The following FARSB variants were observed in gnomAD, a reference collection of about 807,000 sequenced individuals.
FARSB encodes phenylalanine--tRNA ligase beta subunit.
FARSB carries 40 observed loss-of-function variants against 69.6 expected under a neutral mutation model. That is an observed-to-expected ratio of 0.57 (90% CI 0.45 to 0.75). FARSB has a LOEUF of 0.75. Ranked by LOEUF, FARSB falls within the 30% of genes least tolerant of loss-of-function variation. FARSB has a pLI of 0.00. For synonymous variants in FARSB, 235 were observed against 247.2 expected, an observed-to-expected ratio of 0.95 and a Z score of 0.46; for missense variants, 632 against 722.9, an observed-to-expected ratio of 0.87 and a Z score of 1.44.
At chr2:222,621,498 C>T (rs1054561851) in intron 13 of FARSB, among the ~76,000 whole-genome samples, 4 of 152,212 alleles carry the variant, frequency 2.6e-5, no homozygotes, top group Non-Finnish European at 4.4e-5. Flanking sequence ...GCTGGGATTA[C>T]AGGCATGAGC....
At chr2:222,645,082 C>A (rs1188655029) in intron 2 of FARSB, among the ~76,000 whole-genome samples, 1 of 151,220 alleles carries the variant, frequency 6.6e-6, no homozygotes, top group Non-Finnish European at 1.5e-5. Context: ...GTCAGTGCTA[C>A]CTGACAATAA....
rs139430171 is a variant in FARSB, at chr2:222,625,890, T to C, written c.901-1115A>G. On this transcript the variant is annotated intron_variant, in intron 10 of 16. Transcript: ENST00000281828. The stretch of plus-strand genomic sequence containing the variant: ...GTGCTGCTATATGCCCAGTGCTTAT[T>C]ATCTGATTATCAGATAATAAGCGTT... Among the ~76,000 whole-genome samples the C allele has an allele frequency of 1.0e-2, 1,522 of 152,306 alleles. 20 individuals are homozygous for C. The highest frequency in any genetic ancestry group is 0.035 in the African/African-American group (1,459 of 41,554).
intron 5 of FARSB, among the ~76,000 whole-genome samples, chr2:222,635,791 A>G (rs981659116): frequency 3.3e-5 from 5 of 152,232 alleles, no homozygotes; most frequent in Non-Finnish European, 7.4e-5. Context: ...TTCAAAGAAA[A>G]TACAGAGGCC....
At chr2:222,578,897 G>C (rs1223047455) in intron 16 of FARSB, among the ~76,000 whole-genome samples, 3 of 152,162 alleles carry the variant, frequency 2.0e-5, no homozygotes. Flanking sequence ...CAAGAGAATT[G>C]CTTGAACTCG....
At chr2:222,588,771 G>A (rs1180529890) in intron 16 of FARSB, among the ~76,000 whole-genome samples, 1 of 152,058 alleles carries the variant, frequency 6.6e-6, no homozygotes, top group South Asian at 2.1e-4. Context: ...TTGCTACAAA[G>A]AAAATAAAAT....
At chr2:222,652,515 T>C (rs1239205384) in intron 1 of FARSB, among the ~76,000 whole-genome samples, 1 of 152,226 alleles carries the variant, frequency 6.6e-6, no homozygotes, top group Non-Finnish European at 1.5e-5. Context: ...CTCTCTTACT[T>C]ACCTACTCTC....
intron 15 of FARSB, among the ~76,000 whole-genome samples, chr2:222,613,401 C>T (rs533954632): frequency 2.5e-4 from 38 of 152,142 alleles, no homozygotes; most frequent in African/African-American, 8.9e-4. Flanking sequence ...AAAAATTAGC[C>T]GGGTGTGGTG....
At chr2:222,627,111 C>T (rs1474697593) in intron 10 of FARSB, among the ~76,000 whole-genome samples, 3 of 152,122 alleles carry the variant, frequency 2.0e-5, no homozygotes, top group Non-Finnish European at 4.4e-5. Context: ...AAGCTATGTC[C>T]AGCTAATCCC....
intron 15 of FARSB, 86 bp from the exon 16 acceptor site, chr2:222,600,169 C>G: frequency 8.6e-7 from 1 of 1,159,556 alleles, no homozygotes; most frequent in East Asian, 2.7e-5. Flanking sequence ...TAGAAAAAGT[C>G]AACAAAAAAG....
intron 16 of FARSB, among the ~76,000 whole-genome samples, chr2:222,585,907 C>T (rs998097295): frequency 2.0e-5 from 3 of 152,220 alleles, no homozygotes; most frequent in South Asian, 4.2e-4. Flanking sequence ...CTGAAAGTGA[C>T]GGGGAGAATG....
chr2:222,583,685 C>G (rs1690030366), intron 16 of FARSB, among the ~76,000 whole-genome samples: 2 of 151,966 alleles, frequency 1.3e-5, no homozygotes, highest in South Asian at 4.2e-4. Flanking sequence ...TGTCCCTACC[C>G]AAATCTCATC....
chr2:222,632,240 G>A (rs1691450366), intron 7 of FARSB, among the ~76,000 whole-genome samples: 1 of 152,188 alleles, frequency 6.6e-6, no homozygotes, highest in Non-Finnish European at 1.5e-5. Context: ...TAATTAACAG[G>A]CCTTTACTGA....
chr2:222,648,680 C>T, intron 2 of FARSB, 60 bp downstream of exon 2: 1 of 1,003,914 alleles, frequency 1.0e-6, no homozygotes, highest in Non-Finnish European at 1.6e-6. Context: ...TACAGTATAA[C>T]CCTGAAAAAT....
At chr2:222,597,240 A>G (rs932285267) in intron 16 of FARSB, among the ~76,000 whole-genome samples, 1 of 152,224 alleles carries the variant, frequency 6.6e-6, no homozygotes, top group Non-Finnish European at 1.5e-5. Context: ...AATCTTGGAC[A>G]TTTCATACAT....
chr2:222,611,043 G>A (rs1460233897), intron 15 of FARSB, among the ~76,000 whole-genome samples: 2 of 152,108 alleles, frequency 1.3e-5, no homozygotes, highest in Non-Finnish European at 2.9e-5. Flanking sequence ...AGCTCATTTT[G>A]TTATGAAACA....
chr2:222,607,591 G>A (rs552092744), intron 15 of FARSB, among the ~76,000 whole-genome samples: 2 of 151,562 alleles, frequency 1.3e-5, no homozygotes, highest in East Asian at 3.9e-4. Flanking sequence ...GCTTGTATGA[G>A]CACAGAAAAG....
At chr2:222,608,549 G>C in intron 15 of FARSB, among the ~76,000 whole-genome samples, 1 of 152,092 alleles carries the variant, frequency 6.6e-6, no homozygotes, top group Non-Finnish European at 1.5e-5. Context: ...TGATGGCCTT[G>C]GTGGTCAAGG....
Position 222,646,079 on chromosome 2 carries a change from A to G in FARSB, c.114+2661T>C, listed in dbSNP as rs534532484. ...CATTTCACAGTCTAAAAAAATGCCAATCTTACTAGGTGTTACTTTTGGCAG... is the reference window on the plus strand; with the variant it reads ...CATTTCACAGTCTAAAAAAATGCCAGTCTTACTAGGTGTTACTTTTGGCAG... On this transcript the variant is annotated intron_variant, in intron 2 of 16. Coordinates refer to ENST00000281828, the MANE Select transcript of FARSB (RefSeq NM_005687.5). Among the ~76,000 whole-genome samples, 22 of 150,116 alleles carry G rather than the reference A, an allele frequency of 1.5e-4. 1 individual carries two copies. The South Asian group carries it at 3.1e-3, about 21-fold the overall frequency.
At chr2:222,602,544 A>T (rs1219909841) in intron 15 of FARSB, among the ~76,000 whole-genome samples, 4 of 152,006 alleles carry the variant, frequency 2.6e-5, no homozygotes, top group Admixed American at 2.6e-4. Context: ...AATACTTACA[A>T]GAATTGAGAA....
Sources: allele counts gnomAD v4.1 joint callset (sites outside exome capture counted in the v4.1 genomes callset), GRCh38; gene constraint gnomAD v4.1.1; transcripts MANE v1.5; gene names NCBI Gene and HGNC (gene_info 2026-07-23, HGNC 2026-07-21).